FHIT: variants seen among roughly 807,000 people sequenced by gnomAD.
The protein encoded by FHIT is fragile histidine triad diadenosine triphosphatase.
A neutral mutation model predicts 17.9 loss-of-function variants in FHIT; 19 were observed. That is an observed-to-expected ratio of 1.06 (90% CI 0.74 to 1.56). The LOEUF is 1.56. Among genes scored for constraint, FHIT ranks in the 40% most tolerant of loss-of-function variants. The pLI is 0.00. For synonymous variants in FHIT, 81 were observed against 69.7 expected (o/e 1.16, Z -0.81); for missense variants, 248 against 189.2 (o/e 1.31, Z -1.82).
At position 60,652,727 on chromosome 3, in the gene FHIT, CAAAA is replaced by C. The variant is rs782637479; in HGVS notation, c.-17-115752_-17-115749del. 7.5e-4 allele frequency among the ~76,000 whole-genome samples: 44 copies of C among 58,996 alleles called. 1 individual carries two copies. The highest frequency in any genetic ancestry group is 0.027 in the Middle Eastern group (2 of 74). The allele number at this position is 58,996 out of a possible 152,430, so 38.7% of individuals were successfully genotyped here. A position where few individuals can be genotyped will look rare whatever the true frequency, so the allele number is the denominator to read the frequency against. On this transcript the variant is annotated intron_variant, in intron 4 of 9. Transcript: ENST00000492590. Reference sequence around the variant, plus strand: ...TGGGCAAAAGAGAGAGACTCCATCTCAAAAAAAAAAAAAAAAAAAAAAAAATTCA... The same window carrying C: ...TGGGCAAAAGAGAGAGACTCCATCTCAAAAAAAAAAAAAAAAAAAAATTCA...
intron 7 of FHIT, among the ~76,000 whole-genome samples, chr3:59,970,512 G>A (rs1708126915): frequency 6.6e-6 from 1 of 152,000 alleles, no homozygotes; most frequent in Non-Finnish European, 1.5e-5. Context: ...ATTTTGTCAC[G>A]AGCAGCTGTG....
At chr3:59,770,103 C>T (rs1447207907) in intron 8 of FHIT, among the ~76,000 whole-genome samples, 1 of 152,160 alleles carries the variant, frequency 6.6e-6, no homozygotes, top group African/African-American at 2.4e-5. Flanking sequence ...GAAAGGTCAG[C>T]TTCTGGTTGA....
chr3:60,738,986 T>C (rs1440970034), intron 4 of FHIT, among the ~76,000 whole-genome samples: 1 of 152,006 alleles, frequency 6.6e-6, no homozygotes, highest in Middle Eastern at 3.2e-3. Flanking sequence ...AGCAGACAAA[T>C]GACACAACAG....
chr3:61,221,947 C>T (rs2039851251), intron 1 of FHIT, among the ~76,000 whole-genome samples: 1 of 152,194 alleles, frequency 6.6e-6, no homozygotes, highest in African/African-American at 2.4e-5. Flanking sequence ...GAATCTGCTC[C>T]TACCCTGAGC....
intron 4 of FHIT, among the ~76,000 whole-genome samples, chr3:60,719,917 A>T (rs1261239446): frequency 6.6e-6 from 1 of 152,016 alleles, no homozygotes; most frequent in Non-Finnish European, 1.5e-5. Context: ...TGGCCACTCA[A>T]CTCATTACAA....
At chr3:61,045,501 G>C (rs1425702487) in intron 2 of FHIT, among the ~76,000 whole-genome samples, 1 of 152,138 alleles carries the variant, frequency 6.6e-6, no homozygotes. Flanking sequence ...AGACCTTAGA[G>C]ACTTAAAAAG....
intron 7 of FHIT, among the ~76,000 whole-genome samples, chr3:60,006,115 G>A (rs1160363042): frequency 6.6e-6 from 1 of 152,100 alleles, no homozygotes; most frequent in African/African-American, 2.4e-5. Flanking sequence ...GTACTCTATC[G>A]ATTTGTAACC....
chr3:60,358,359 C>T (rs1165665244), intron 5 of FHIT, among the ~76,000 whole-genome samples: 1 of 152,124 alleles, frequency 6.6e-6, no homozygotes, highest in African/African-American at 2.4e-5. Context: ...GTTCTGTGAA[C>T]TTGCCATGAA....
At chr3:60,285,585 A>AT in intron 5 of FHIT, among the ~76,000 whole-genome samples, 2 of 152,066 alleles carry the variant, frequency 1.3e-5, no homozygotes, top group East Asian at 3.9e-4. Context: ...CTGTAAAGAG[A>AT]TTTTTCAGGC....
At position 60,525,730 on chromosome 3, in the gene FHIT, C is replaced by G. The variant is rs144080165; in HGVS notation, c.103+11130G>C. Among the ~76,000 whole-genome samples the G allele has an allele frequency of 4.9e-3, 750 of 152,268 alleles. 9 individuals are homozygous for G. The highest frequency in any genetic ancestry group is 0.017 in the African/African-American group (699 of 41,530). ...GATGCAACTTTTATTACTTAGAGCT[C>G]TCTACAAGTGTTCCCCCATAGTGAG... On this transcript the variant is annotated intron_variant, in intron 5 of 9. Coordinates refer to ENST00000492590, the MANE Select transcript of FHIT (RefSeq NM_002012.4).
chr3:61,057,251 G>A (rs1285167522), intron 2 of FHIT, among the ~76,000 whole-genome samples: 1 of 152,184 alleles, frequency 6.6e-6, no homozygotes, highest in Non-Finnish European at 1.5e-5. Flanking sequence ...TTTCATATTT[G>A]TCTAAGAACC....
At chr3:60,081,505 A>G (rs1291530732) in intron 5 of FHIT, among the ~76,000 whole-genome samples, 1 of 152,072 alleles carries the variant, frequency 6.6e-6, no homozygotes, top group Non-Finnish European at 1.5e-5. Flanking sequence ...CTCATTAGTA[A>G]TAAGGTTCTG....
intron 4 of FHIT, among the ~76,000 whole-genome samples, chr3:60,594,794 C>T (rs1182406766): frequency 1.3e-5 from 2 of 152,076 alleles, no homozygotes; most frequent in African/African-American, 2.4e-5. Context: ...TGGGGGCCTT[C>T]TATCCTGCCT....
chr3:60,333,182 T>A (rs1172996603), intron 5 of FHIT, among the ~76,000 whole-genome samples: 1 of 152,248 alleles, frequency 6.6e-6, no homozygotes, highest in African/African-American at 2.4e-5. Flanking sequence ...TGTTATCCAA[T>A]GCTGAACAAT....
chr3:60,006,641 G>A (rs147033151), intron 7 of FHIT, among the ~76,000 whole-genome samples: 175 of 150,410 alleles, frequency 1.2e-3, no homozygotes, highest in Admixed American at 2.1e-3. Flanking sequence ...ATAATAGATA[G>A]GGTTTCCGCA....
chr3:59,982,912 A>T (rs1342929984), intron 7 of FHIT, among the ~76,000 whole-genome samples: 4 of 152,098 alleles, frequency 2.6e-5, no homozygotes, highest in African/African-American at 9.7e-5. Flanking sequence ...TAGCAAGGAA[A>T]AGATGAAGTC....
chr3:59,872,949 T>C lies in FHIT; in HGVS notation c.348+49397A>G, dbSNP rs544894796. Among the ~76,000 whole-genome samples the C allele has an allele frequency of 2.0e-5, 3 of 152,370 alleles. No individual in the cohort carries two copies. The South Asian group carries it at 6.2e-4, about 32-fold the overall frequency. On this transcript the variant is annotated intron_variant, in intron 8 of 9. Transcript: ENST00000492590. ...AAAAGAGATCTTGTTTTGACAACACTAGTCTTTCAGTTACCTAGACTCAAA... is the reference window on the plus strand; with the variant it reads ...AAAAGAGATCTTGTTTTGACAACACCAGTCTTTCAGTTACCTAGACTCAAA...
intron 5 of FHIT, among the ~76,000 whole-genome samples, chr3:60,518,016 G>C (rs1223826087): frequency 2.0e-5 from 3 of 152,228 alleles, no homozygotes; most frequent in African/African-American, 7.2e-5. Context: ...ACTTGTTGGT[G>C]ATAGTGGACT....
intron 5 of FHIT, among the ~76,000 whole-genome samples, chr3:60,096,088 C>T (rs879880776): frequency 1.3e-5 from 2 of 152,238 alleles, no homozygotes; most frequent in Admixed American, 1.3e-4. Context: ...CCTGCCCAGG[C>T]CTCACTCGGC....
Sources: gnomAD v4.1 joint callset for allele counts (sites outside exome capture counted in the v4.1 genomes callset) on GRCh38, gnomAD v4.1.1 for gene constraint, MANE v1.5 for transcripts, NCBI Gene and HGNC (gene_info 2026-07-23, HGNC 2026-07-21) for gene names.